Variants in HGSNAT observed in about 807,000 individuals in gnomAD.
The protein encoded by HGSNAT is heparan-alpha-glucosaminide N-acetyltransferase, also known as transmembrane protein 76.
Under a neutral mutation model 85.2 loss-of-function variants are expected in HGSNAT, and 59 were observed. The observed-to-expected ratio is 0.69, with a 90% CI of 0.56 to 0.86. HGSNAT has a LOEUF of 0.86. HGSNAT is among the 40% of genes least tolerant of loss of function. The pLI, the probability that HGSNAT is intolerant of heterozygous loss-of-function variation, is 0.00. For missense variants in HGSNAT, 756 were observed against 777.1 expected (o/e 0.97, Z 0.32); for synonymous variants, 321 against 304.5 (o/e 1.05, Z -0.56).
At chr8:43,141,926 T>C (rs978899740) in intron 1 of HGSNAT, among the ~76,000 whole-genome samples, 14 of 152,170 alleles carry the variant, frequency 9.2e-5, no homozygotes, top group African/African-American at 2.9e-4. Context: ...GAGAGGTGGT[T>C]TGTAAATAGT....
chr8:43,165,190 T>C (rs969606335), intron 5 of HGSNAT, among the ~76,000 whole-genome samples: 5 of 151,930 alleles, frequency 3.3e-5, no homozygotes, highest in Non-Finnish European at 2.9e-5. Context: ...GTAATCGTTA[T>C]AATATTTCAA....
At chr8:43,142,331 A>G (rs1802577960) in intron 1 of HGSNAT, among the ~76,000 whole-genome samples, 1 of 152,044 alleles carries the variant, frequency 6.6e-6, no homozygotes, top group Admixed American at 6.6e-5. Context: ...GGAATTTCTT[A>G]GGTCAGCTGC....
intron 5 of HGSNAT, among the ~76,000 whole-genome samples, chr8:43,167,601 C>T (rs369799682): frequency 6.6e-6 from 1 of 152,158 alleles, no homozygotes; most frequent in Non-Finnish European, 1.5e-5. Flanking sequence ...CTTTTATATA[C>T]ACTGGGTCAC....
chr8:43,146,275 A>G (rs2130674155), intron 1 of HGSNAT, among the ~76,000 whole-genome samples: 1 of 152,254 alleles, frequency 6.6e-6, no homozygotes, highest in Non-Finnish European at 1.5e-5. Flanking sequence ...GGATATTCCA[A>G]ACTCCAAAAC....
intron 1 of HGSNAT, 128 bp downstream of exon 1, chr8:43,140,742 G>A: frequency 3.2e-6 from 1 of 311,476 alleles, no homozygotes; most frequent in East Asian, 7.9e-5. Flanking sequence ...CGTGGCCTGG[G>A]CTGTTGCTGC....
intron 1 of HGSNAT, among the ~76,000 whole-genome samples, chr8:43,141,377 T>C (rs1395777889): frequency 6.6e-6 from 1 of 152,020 alleles, no homozygotes; most frequent in Non-Finnish European, 1.5e-5. Context: ...TCCGGTGCGC[T>C]GGCTTAAGAG....
At chr8:43,150,842 TAAA>T (rs1323857323) in intron 2 of HGSNAT, among the ~76,000 whole-genome samples, 139 of 140,606 alleles carry the variant, frequency 9.9e-4, no homozygotes, top group African/African-American at 3.6e-3. Flanking sequence ...TCAAAATAAA[TAAA>T]TAAATAAATA....
At position 43,193,793 on chromosome 8, in the gene HGSNAT, G is replaced by A. The variant is rs1278870532; in HGVS notation, c.1414G>A (p.Gly472Ser). 2 of 1,613,734 alleles carry A rather than the reference G, an allele frequency of 1.2e-6. No individual in the cohort carries two copies. Among genetic ancestry groups the A allele is most frequent in the East Asian group, 4.5e-5 (2 of 44,894 alleles). Residue 472 changes from glycine (G) to serine (S), a missense_variant, in exon 14 of 18, where the codon GGC becomes AGC. Gly to Ser is a moderately conservative substitution (Grantham distance 56). Transcript: ENST00000379644. The stretch of plus-strand genomic sequence containing the variant: ...CACCGAGGTGGCCTATGACCCCGAG[G>A]GCATCCTGGGCACCATCAACTCCAT... Reference protein sequence around the residue: ...YHTEVAYDPEGILGTINSIVM... With the variant: ...YHTEVAYDPESILGTINSIVM...
intron 2 of HGSNAT, among the ~76,000 whole-genome samples, chr8:43,157,594 G>A (rs1280821017): frequency 7.9e-5 from 12 of 152,036 alleles, no homozygotes; most frequent in Admixed American, 7.2e-4. Context: ...TGGGCAACAT[G>A]GCAAAACCCC....
At chr8:43,154,962 ATG>A (rs1427966529) in intron 2 of HGSNAT, among the ~76,000 whole-genome samples, 2 of 152,068 alleles carry the variant, frequency 1.3e-5, no homozygotes, top group East Asian at 3.9e-4. Flanking sequence ...GCATTTTTTC[ATG>A]TGTTTGTGGG....
chr8:43,169,373 C>T (rs1803540219), intron 6 of HGSNAT, 131 bp downstream of exon 6: 1 of 544,354 alleles, frequency 1.8e-6, no homozygotes, highest in Non-Finnish European at 3.2e-6. Flanking sequence ...TCCCGTATTC[C>T]TAATAGAGAG....
chr8:43,173,575 T>C (rs367699678), intron 8 of HGSNAT, 138 bp from the exon 9 acceptor site: 1 of 889,506 alleles, frequency 1.1e-6, no homozygotes, highest in Non-Finnish European at 1.8e-6. Context: ...CCCCACAAAG[T>C]GTTGGGATTA....
chr8:43,191,621 C>CT (rs1363457630), intron 12 of HGSNAT, 26 bp downstream of exon 12: 2 of 1,612,004 alleles, frequency 1.2e-6, no homozygotes, highest in Non-Finnish European at 1.7e-6. Flanking sequence ...GGGGTCATCC[C>CT]TTGTGCATGT....
At position 43,178,110 on chromosome 8, in the gene HGSNAT, G is replaced by A. The variant is rs780309535; in HGVS notation, c.888G>A (p.Ser296=). The part of the protein sequence containing the change: ...VFIMGSSIFL[S]MTSILQRGCS... Reference sequence around the variant, plus strand: ...TTATGGGATCTTCCATTTTTCTATCGATGACTTCTATACTGCAACGGGGGT... The same window carrying A: ...TTATGGGATCTTCCATTTTTCTATCAATGACTTCTATACTGCAACGGGGGT... The change falls in exon 10 of 18, where the codon TCG becomes TCA. Residue 296 remains serine (S), a synonymous_variant. Transcript: ENST00000379644. The A allele has an allele frequency of 6.2e-6, 10 of 1,612,372 alleles. No individual in the cohort carries two copies. Among genetic ancestry groups the A allele is most frequent in the South Asian group, 4.4e-5 (4 of 90,638 alleles).
At chr8:43,179,659 G>C (rs1803973058) in intron 10 of HGSNAT, among the ~76,000 whole-genome samples, 1 of 14,790 alleles carries the variant, frequency 6.8e-5, no homozygotes, top group Non-Finnish European at 1.4e-4. Flanking sequence ...GCCAGGCGGG[G>C]GGCTGATCCC....
chr8:43,189,732 C>A (rs956493416), intron 11 of HGSNAT, among the ~76,000 whole-genome samples: 1 of 152,130 alleles, frequency 6.6e-6, no homozygotes, highest in African/African-American at 2.4e-5. Flanking sequence ...TCCTATTCGG[C>A]CATCTTGGAA....
intron 9 of HGSNAT, 104 bp downstream of exon 9, chr8:43,173,847 G>A (rs1586728778): frequency 8.1e-7 from 1 of 1,233,282 alleles, no homozygotes; most frequent in Non-Finnish European, 1.1e-6. Flanking sequence ...GTGTTATGTG[G>A]TTAGGAAGTC....
intron 11 of HGSNAT, among the ~76,000 whole-genome samples, chr8:43,191,011 C>A (rs189688716): frequency 6.6e-6 from 1 of 152,184 alleles, no homozygotes; most frequent in African/African-American, 2.4e-5. Context: ...TATAACGTGG[C>A]TTTTTGTGCC....
chr8:43,182,316 TGTGTG>T, intron 11 of HGSNAT, 56 bp downstream of exon 11: 1 of 1,309,424 alleles, frequency 7.6e-7, no homozygotes, highest in Non-Finnish European at 1.1e-6. Flanking sequence ...AAAAATGTAT[TGTGTG>T]GTGATACGGT....
Sources: allele counts gnomAD v4.1 joint callset (sites outside exome capture counted in the v4.1 genomes callset), GRCh38; gene constraint gnomAD v4.1.1; transcripts MANE v1.5; gene names NCBI Gene and HGNC (gene_info 2026-07-23, HGNC 2026-07-21).